OR10A2: variants seen among roughly 807,000 people sequenced by gnomAD.
The protein encoded by OR10A2 is olfactory receptor 10A2.
In OR10A2, 15 loss-of-function variants were observed where a neutral mutation model predicts 13.7. The observed-to-expected ratio is 1.10, with a 90% CI of 0.73 to 1.69. The LOEUF is 1.69. OR10A2 is among the 40% of genes most tolerant of loss of function. OR10A2 has a pLI of 0.00. For synonymous variants in OR10A2, 145 were observed against 144.7 expected (o/e 1.00, Z -0.02); for missense variants, 343 against 361.1 (o/e 0.95, Z 0.41).
intron 1 of OR10A2, among the ~76,000 whole-genome samples, chr11:6,866,462 T>C (rs532883920): frequency 6.6e-6 from 1 of 152,320 alleles, no homozygotes; most frequent in Non-Finnish European, 1.5e-5. Context: ...CTTCTTCCCA[T>C]GTGGCCCAGG....
chr11:6,874,480 AC>A lies in OR10A2; in HGVS notation c.*3817del, dbSNP rs1481747332. The A allele has an allele frequency of 2.0e-5, 3 of 151,340 alleles. No individual in the cohort carries two copies. Among genetic ancestry groups the A allele is most frequent in the East Asian group, 1.9e-4 (1 of 5,146 alleles). 9.4% of individuals were successfully genotyped at this position (151,340 alleles called of 1,614,324 possible). On this transcript the variant is annotated 3_prime_UTR_variant, in exon 2 of 2. Coordinates refer to ENST00000641461, the MANE Select transcript of OR10A2 (RefSeq NM_001004460.2). Reference sequence around the variant, plus strand: ...ATTGTGTTGCTTTGTTCTTACTACCACCCTGTACTGGATACTGGCTTGTCCT... The same window carrying A: ...ATTGTGTTGCTTTGTTCTTACTACCACCTGTACTGGATACTGGCTTGTCCT...
intron 1 of OR10A2, among the ~76,000 whole-genome samples, chr11:6,868,159 A>G (rs1252623788): frequency 1.3e-5 from 2 of 152,200 alleles, no homozygotes; most frequent in Non-Finnish European, 2.9e-5. Flanking sequence ...AACTGTAGAC[A>G]TTGCTTCATT....
chr11:6,874,610 T>C lies in OR10A2; in HGVS notation c.*3944T>C, dbSNP rs1848467473. 1 of 152,204 alleles carries C rather than the reference T, an allele frequency of 6.6e-6. No individual in the cohort carries two copies. The highest frequency in any genetic ancestry group is 1.5e-5 in the Non-Finnish European group (1 of 68,030). The allele number at this position is 152,204 out of a possible 1,614,324, so 9.4% of individuals were successfully genotyped here. ...CTCAGCCACCCAGGATTCCAACACT[T>C]GCTGAAAAAACTACTCAACTTATCT... On this transcript the variant is annotated 3_prime_UTR_variant, in exon 2 of 2. Coordinates refer to ENST00000641461, the MANE Select transcript of OR10A2 (RefSeq NM_001004460.2).
chr11:6,866,509 A>T (rs940494205), intron 1 of OR10A2, among the ~76,000 whole-genome samples: 1 of 152,068 alleles, frequency 6.6e-6, no homozygotes. Flanking sequence ...TACTATTTAC[A>T]TTTTCATGAG....
rs753064241 is a variant in OR10A2, at chr11:6,873,978, G to A, written c.*3312G>A. 7.2e-5 allele frequency: 11 copies of A among 152,190 alleles called. No individual in the cohort carries two copies. Among genetic ancestry groups the A allele is most frequent in the Non-Finnish European group, 1.6e-4 (11 of 68,046 alleles). 9.4% of individuals were successfully genotyped at this position (152,190 alleles called of 1,614,324 possible). On this transcript the variant is annotated 3_prime_UTR_variant, in exon 2 of 2. Coordinates refer to ENST00000641461, the MANE Select transcript of OR10A2 (RefSeq NM_001004460.2). Reference sequence around the variant, plus strand: ...AATCAAATTTGGGGCACAAATTAAAGGATTATATCCCAGTTCCTGGCTTGT... The same window carrying A: ...AATCAAATTTGGGGCACAAATTAAAAGATTATATCCCAGTTCCTGGCTTGT...
In OR10A2 at chr11:6,870,944, T is replaced by TTTA; in HGVS notation, c.*280_*281insATT. ...TGGCCAACTATTTCCAGGTGTTATA[T>TTTA]TTCTTTTTTTTTTTTTTTTTGAGAC... On this transcript the variant is annotated 3_prime_UTR_variant, in exon 2 of 2. Coordinates refer to ENST00000641461, the MANE Select transcript of OR10A2 (RefSeq NM_001004460.2). The TTTA allele has an allele frequency of 1.2e-5, 2 of 171,536 alleles. No individual in the cohort carries two copies. Among genetic ancestry groups the TTTA allele is most frequent in the East Asian group, 2.1e-4 (2 of 9,480 alleles). The allele number at this position is 171,536 out of a possible 1,614,324, so 10.6% of individuals were successfully genotyped here. A position where few individuals can be genotyped will look rare whatever the true frequency, so the allele number is the denominator to read the frequency against.
rs1848414416 is a variant in OR10A2, at chr11:6,870,127, C to G, written c.373C>G (p.Gln125Glu). ...CTTGCACTACCCAGTCATCATGAAC[C>G]AAAGGACTCGTGCCAAACTGGCTGC... Reference protein sequence around the residue: ...SPLHYPVIMNQRTRAKLAAAS... With the variant: ...SPLHYPVIMNERTRAKLAAAS... Residue 125 changes from glutamine (Q) to glutamate (E), a missense_variant, in exon 2 of 2, where the codon CAA (glutamine) becomes GAA (glutamate). By Grantham distance (29) the Gln-to-Glu change is conservative. Transcript: ENST00000641461. 6.2e-7 allele frequency: 1 copy of G among 1,614,116 alleles called. No individual in the cohort carries two copies. The highest frequency in any genetic ancestry group is 1.3e-5 in the African/African-American group (1 of 74,930).
chr11:6,864,105 T>C (rs1033540813), intron 1 of OR10A2, among the ~76,000 whole-genome samples: 1 of 152,196 alleles, frequency 6.6e-6, no homozygotes, highest in Admixed American at 6.5e-5. Context: ...AAGAACGCTG[T>C]GGGCTGGCCA....
Position 6,870,500 on chromosome 11 carries a change from CT to C in OR10A2, c.747del (p.Lys250AsnfsTer19). On this transcript the variant is annotated frameshift_variant, in exon 2 of 2. Transcript: ENST00000641461. LOFTEE classifies it high-confidence loss of function. The part of the protein sequence containing the change: ...YISLSLTYFR[P>X]KSNNSPEGKK... ...TCATTAAGCCTCACCTACTTCCGGC[CT>C]AAATCAAATAATTCACCTGAGGGCA... 6.2e-7 allele frequency: 1 copy of C among 1,614,126 alleles called. No homozygotes were observed. Among genetic ancestry groups the C allele is most frequent in the Non-Finnish European group, 8.5e-7 (1 of 1,179,998 alleles).
Position 6,871,463 on chromosome 11 carries a change from C to G in OR10A2, c.*797C>G, listed in dbSNP as rs7122077. 0.33 allele frequency: 49,434 copies of G among 152,066 alleles called. 8,558 individuals carry two copies. The highest frequency in any genetic ancestry group is 0.41 in the South Asian group (1,983 of 4,820). 9.4% of individuals were successfully genotyped at this position (152,066 alleles called of 1,614,324 possible). ...TCACCATCTTACTTCATTCTCATGC[C>G]CTTAAGCAGTGTTAGTTCTTTTAAG... is the stretch of plus-strand genomic sequence containing the variant. On this transcript the variant is annotated 3_prime_UTR_variant, in exon 2 of 2. Coordinates refer to ENST00000641461, the MANE Select transcript of OR10A2 (RefSeq NM_001004460.2).
At chr11:6,863,384 T>TTTC (rs1157884515) in intron 1 of OR10A2, 33 bp downstream of exon 1, 2 of 52,536 alleles carry the variant, frequency 3.8e-5, no homozygotes, top group Non-Finnish European at 5.1e-5. Context: ...TTTTTTTTTT[T>TTTC]CCACCAAGGA....
chr11:6,868,417 C>A (rs72921001), intron 1 of OR10A2, among the ~76,000 whole-genome samples: 49,338 of 151,828 alleles, frequency 0.32, 8,549 homozygotes, highest in South Asian at 0.41. Context: ...AGGCCTACAG[C>A]TTTTGATCCC....
In OR10A2 at chr11:6,870,268, C is replaced by G. The variant is rs1263467713; in HGVS notation, c.514C>G (p.Leu172Val). 1.9e-6 allele frequency: 3 copies of G among 1,614,118 alleles called. No individual in the cohort carries two copies. Among genetic ancestry groups the G allele is most frequent in the Admixed American group, 1.7e-5 (1 of 60,014 alleles). Residue 172 changes from leucine (L) to valine (V), a missense_variant, in exon 2 of 2, where the codon CTG becomes GTG. Coordinates refer to ENST00000641461, the MANE Select transcript of OR10A2 (RefSeq NM_001004460.2). Reference protein sequence around the residue: ...NHFFCDSPPVLRLVCADTALF... With the variant: ...NHFFCDSPPVVRLVCADTALF... ...CTTCTTCTGTGACAGCCCACCTGTG[C>G]TGAGGCTGGTCTGTGCAGACACAGC...
At position 6,869,627 on chromosome 11, in the gene OR10A2, A is replaced by T; in HGVS notation, c.-128A>T. 1.2e-6 allele frequency: 1 copy of T among 859,102 alleles called. No individual in the cohort carries two copies. Among genetic ancestry groups the T allele is most frequent in the Non-Finnish European group, 1.9e-6 (1 of 534,076 alleles). 53.2% of individuals were successfully genotyped at this position (859,102 alleles called of 1,614,324 possible). A position where few individuals can be genotyped will look rare whatever the true frequency, so the allele number is the denominator to read the frequency against. ...CCTTGCCTCTTTCCCTGACAGTAAGAACGAGTCTGAAAAACAAATTGAGAA... is the reference window on the plus strand; with the variant it reads ...CCTTGCCTCTTTCCCTGACAGTAAGTACGAGTCTGAAAAACAAATTGAGAA... On this transcript the variant is annotated 5_prime_UTR_variant, in exon 2 of 2. Transcript: ENST00000641461.
At chr11:6,867,043 C>T (rs563411060) in intron 1 of OR10A2, among the ~76,000 whole-genome samples, 87 of 152,048 alleles carry the variant, frequency 5.7e-4, no homozygotes, top group Admixed American at 4.1e-3. Flanking sequence ...TTCCCAGTAA[C>T]TTGGGTGTAA....
intron 1 of OR10A2, among the ~76,000 whole-genome samples, chr11:6,865,625 A>G (rs1261846742): frequency 1.3e-5 from 2 of 152,188 alleles, no homozygotes; most frequent in South Asian, 2.1e-4. Context: ...TTTTTCAGAG[A>G]CAATTTTTAA....
In OR10A2 at chr11:6,870,111, C is replaced by A. The variant is rs1848414295; in HGVS notation, c.357C>A (p.Tyr119Ter). 6.2e-7 allele frequency: 1 copy of A among 1,614,244 alleles called. No homozygotes were observed. The change falls in exon 2 of 2, where the codon TAC (tyrosine) becomes TAA (stop). Residue 119 changes from tyrosine (Y) to a stop codon, truncating the protein, a stop_gained. Transcript: ENST00000641461. LOFTEE classifies it high-confidence loss of function. Reference protein sequence around the residue: ...RYVAICSPLHYPVIMNQRTRA... With the variant: ...RYVAICSPLH Reference sequence around the variant, plus strand: ...TGGCCATCTGCAGTCCCTTGCACTACCCAGTCATCATGAACCAAAGGACTC... The same window carrying A: ...TGGCCATCTGCAGTCCCTTGCACTAACCAGTCATCATGAACCAAAGGACTC...
chr11:6,871,476 T>A lies in OR10A2; in HGVS notation c.*810T>A, dbSNP rs1270324155. ...TCATTCTCATGCCCTTAAGCAGTGT[T>A]AGTTCTTTTAAGCTTACTGGTATGC... On this transcript the variant is annotated 3_prime_UTR_variant, in exon 2 of 2. Transcript: ENST00000641461. The A allele has an allele frequency of 1.3e-5, 2 of 152,218 alleles. No individual in the cohort carries two copies. The highest frequency in any genetic ancestry group is 4.8e-5 in the African/African-American group (2 of 41,458). 9.4% of individuals were successfully genotyped at this position (152,218 alleles called of 1,614,324 possible). A position where few individuals can be genotyped will look rare whatever the true frequency, so the allele number is the denominator to read the frequency against.
intron 1 of OR10A2, among the ~76,000 whole-genome samples, chr11:6,866,724 T>A (rs1848381574): frequency 6.6e-6 from 1 of 152,178 alleles, no homozygotes; most frequent in African/African-American, 2.4e-5. Flanking sequence ...TTTGTTTTAA[T>A]CATTTTCCAG....
Sources: allele counts gnomAD v4.1 joint callset (sites outside exome capture counted in the v4.1 genomes callset), GRCh38; gene constraint gnomAD v4.1.1; transcripts MANE v1.5; gene names NCBI Gene and HGNC (gene_info 2026-07-23, HGNC 2026-07-21).